Variants in DLG2 observed in about 807,000 individuals in gnomAD.
DLG2 encodes the protein disks large homolog 2.
In DLG2, 45 loss-of-function variants were observed where a neutral mutation model predicts 132.5. That is an observed-to-expected ratio of 0.34 (90% CI 0.27 to 0.44). The LOEUF (loss-of-function observed/expected upper bound fraction) is 0.44. Among genes scored for constraint, DLG2 ranks in the 20% least tolerant of loss-of-function variants. DLG2 has a pLI of 1.00. For synonymous variants in DLG2, 424 were observed against 419.6 expected (o/e 1.01, Z -0.13); for missense variants, 1,045 against 1,196.9 (o/e 0.87, Z 1.87).
At chr11:85,417,668 C>G (rs1313342790) in intron 3 of DLG2, among the ~76,000 whole-genome samples, 1 of 152,054 alleles carries the variant, frequency 6.6e-6, no homozygotes, top group Non-Finnish European at 1.5e-5. Flanking sequence ...TTGCTTTAGT[C>G]TTGTGAGGGT....
chr11:85,513,735 G>C (rs2094122108), intron 3 of DLG2, among the ~76,000 whole-genome samples: 3 of 151,904 alleles, frequency 2.0e-5, no homozygotes, highest in East Asian at 3.9e-4. Flanking sequence ...TGGTCTTGCT[G>C]TCATGCCATT....
intron 16 of DLG2, among the ~76,000 whole-genome samples, chr11:83,868,021 G>A (rs1236474465): frequency 1.3e-5 from 2 of 152,202 alleles, no homozygotes; most frequent in African/African-American, 4.8e-5. Flanking sequence ...GACAGCTCAA[G>A]TAGGAGGAGA....
At chr11:85,220,637 A>AAATAT (rs371263007) in intron 4 of DLG2, among the ~76,000 whole-genome samples, 1 of 148,312 alleles carries the variant, frequency 6.7e-6, no homozygotes, top group African/African-American at 2.5e-5. Context: ...TAGAAAAAAA[A>AAATAT]ATATATATAT....
intron 7 of DLG2, among the ~76,000 whole-genome samples, chr11:84,472,149 G>A (rs151030247): frequency 2.0e-4 from 31 of 151,826 alleles, no homozygotes; most frequent in Middle Eastern, 3.4e-3. Context: ...TGATTAGTTC[G>A]TATTGCTATC....
chr11:84,464,803 T>C (rs1443470673), intron 7 of DLG2, among the ~76,000 whole-genome samples: 2 of 151,182 alleles, frequency 1.3e-5, no homozygotes, highest in Admixed American at 1.3e-4. Context: ...TGTATATAGA[T>C]ATACACATAT....
At chr11:85,075,570 T>C (rs549839687) in intron 6 of DLG2, among the ~76,000 whole-genome samples, 1 of 152,032 alleles carries the variant, frequency 6.6e-6, no homozygotes, top group South Asian at 2.1e-4. Flanking sequence ...TTACAGAGTA[T>C]ACCACTATTT....
intron 11 of DLG2, among the ~76,000 whole-genome samples, chr11:84,056,392 A>G (rs1223444385): frequency 6.6e-6 from 1 of 152,128 alleles, no homozygotes; most frequent in Non-Finnish European, 1.5e-5. Flanking sequence ...TCTCCTAGTT[A>G]TGACGAATCA....
At chr11:83,794,588 T>C (rs2042347684) in intron 17 of DLG2, among the ~76,000 whole-genome samples, 1 of 152,036 alleles carries the variant, frequency 6.6e-6, no homozygotes, top group Non-Finnish European at 1.5e-5. Flanking sequence ...CCATTAATTA[T>C]TGTTGAGATT....
At chr11:84,022,961 T>C (rs553589159) in intron 11 of DLG2, among the ~76,000 whole-genome samples, 1 of 152,120 alleles carries the variant, frequency 6.6e-6, no homozygotes, top group Non-Finnish European at 1.5e-5. Context: ...AGCTTTTTAA[T>C]CTTGTGTTGT....
intron 7 of DLG2, among the ~76,000 whole-genome samples, chr11:84,453,185 G>A (rs1043420305): frequency 6.6e-6 from 1 of 151,680 alleles, no homozygotes; most frequent in African/African-American, 2.4e-5. Context: ...TAAGTCCAGA[G>A]TTTGAGGAAG....
At chr11:84,128,634 C>CT (rs1335083119) in intron 9 of DLG2, among the ~76,000 whole-genome samples, 1 of 151,988 alleles carries the variant, frequency 6.6e-6, no homozygotes, top group African/African-American at 2.4e-5. Context: ...TTGGGATTGA[C>CT]TTTAATATAT....
In DLG2 at chr11:83,511,559, G is replaced by A. The variant is rs149558107; in HGVS notation, c.2193+21149C>T. Among the ~76,000 whole-genome samples the A allele has an allele frequency of 2.6e-5, 4 of 152,060 alleles. No individual in the cohort carries two copies. In the East Asian group the frequency reaches 7.7e-4, roughly 29 times the overall value. On this transcript the variant is annotated intron_variant, in intron 21 of 27. Transcript: ENST00000376104. ...TGCTAAATGGAACCACGCATGAAAG[G>A]GGTTAGCATGGTAAATGGTTAATAA...
chr11:85,505,008 CTGTT>C (rs1287150765), intron 3 of DLG2, among the ~76,000 whole-genome samples: 2 of 152,064 alleles, frequency 1.3e-5, no homozygotes, highest in African/African-American at 2.4e-5. Flanking sequence ...ATTTGGCTCT[CTGTT>C]TGTCTGTTAT....
At chr11:83,692,395 G>T (rs1227516442) in intron 18 of DLG2, among the ~76,000 whole-genome samples, 1 of 152,160 alleles carries the variant, frequency 6.6e-6, no homozygotes, top group African/African-American at 2.4e-5. Flanking sequence ...TTATATAAAA[G>T]AATGTAGGTA....
chr11:83,478,102 T>G (rs185933282), intron 22 of DLG2, among the ~76,000 whole-genome samples: 1 of 152,218 alleles, frequency 6.6e-6, no homozygotes, highest in African/African-American at 2.4e-5. Flanking sequence ...TGTGCTGAGA[T>G]CTAGAGTTAG....
chr11:84,637,718 G>A (rs955474439), intron 6 of DLG2, among the ~76,000 whole-genome samples: 3 of 152,194 alleles, frequency 2.0e-5, no homozygotes, highest in Non-Finnish European at 4.4e-5. Flanking sequence ...ATTTTGTTTT[G>A]TGGTCTGTGA....
chr11:84,165,527 C>T (rs372609674), intron 8 of DLG2, among the ~76,000 whole-genome samples: 2 of 152,118 alleles, frequency 1.3e-5, no homozygotes, highest in South Asian at 4.1e-4. Context: ...AAAATAATAT[C>T]ATTTGTCTAA....
intron 18 of DLG2, among the ~76,000 whole-genome samples, 196 bp from the exon 19 acceptor site, chr11:83,633,521 T>C (rs1251949860): frequency 6.6e-6 from 1 of 152,042 alleles, no homozygotes; most frequent in African/African-American, 2.4e-5. Context: ...AATCAGTTAT[T>C]TCCCAAAACG....
intron 18 of DLG2, among the ~76,000 whole-genome samples, chr11:83,769,762 A>T (rs1006574962): frequency 1.3e-5 from 2 of 151,744 alleles, no homozygotes; most frequent in African/African-American, 4.8e-5. Flanking sequence ...ACGGGGTTTC[A>T]CCATGTTGGC....
Sources: allele counts gnomAD v4.1 joint callset (sites outside exome capture counted in the v4.1 genomes callset), GRCh38; gene constraint gnomAD v4.1.1; transcripts MANE v1.5; gene names NCBI Gene and HGNC (gene_info 2026-07-23, HGNC 2026-07-21).